Variants in PRRC2C observed in about 807,000 individuals in gnomAD.
The protein encoded by PRRC2C is proline rich coiled-coil 2C, also known as protein PRRC2C.
In PRRC2C, 72 loss-of-function variants were observed where a neutral mutation model predicts 317.2. The observed-to-expected ratio is 0.23, with a 90% CI of 0.19 to 0.28. The LOEUF (loss-of-function observed/expected upper bound fraction) is 0.28, where lower values mean the gene tolerates loss of function less well. PRRC2C is among the 10% of genes least tolerant of loss of function. PRRC2C has a pLI of 1.00. For missense variants in PRRC2C, 3,074 were observed against 3,459.7 expected (o/e 0.89, Z 2.80); for synonymous variants, 1,296 against 1,205.9 (o/e 1.07, Z -1.55).
chr1:171,540,868 CAAA>C lies in PRRC2C; in HGVS notation c.3403_3405del (p.Lys1135del). On this transcript the variant is annotated inframe_deletion, in exon 16 of 35. Coordinates refer to ENST00000647382, the MANE Select transcript of PRRC2C (RefSeq NM_001387844.1). ...AACAGACTATGGCAGCACCAGTAGT[CAAA>C]GAAGAAAAACAACCTGAGAAAGTCA... is the stretch of plus-strand genomic sequence containing the variant. 2 of 1,613,440 alleles carry C rather than the reference CAAA, an allele frequency of 1.2e-6. No homozygotes were observed. Among genetic ancestry groups the C allele is most frequent in the Non-Finnish European group, 1.7e-6 (2 of 1,179,708 alleles).
chr1:171,536,051 G>GGCA lies in PRRC2C; in HGVS notation c.2076_2078dup (p.Gln695dup), dbSNP rs1364672176. 79 of 1,551,916 alleles carry GGCA rather than the reference G, an allele frequency of 5.1e-5. No individual in the cohort carries two copies. Among genetic ancestry groups the GGCA allele is most frequent in the Non-Finnish European group, 6.5e-5 (75 of 1,147,140 alleles). ...CAGGAACAGATGAAACAGCAGCAGTGGCAGCAGCAGCAACAGCAAGGTGTA... is the reference window on the plus strand; with the variant it reads ...CAGGAACAGATGAAACAGCAGCAGTGGCAGCAGCAGCAGCAACAGCAAGGTGTA... On this transcript the variant is annotated inframe_insertion, in exon 14 of 35. Transcript: ENST00000647382.
Position 171,522,550 on chromosome 1 carries a change from G to A in PRRC2C, c.833+291G>A, listed in dbSNP as rs535292890. ...TTTGGAAGGCCGAGGTGGGCGATTCGCCTGAGGTCAGGAGTTCAAGGCCAG... is the reference window on the plus strand; with the variant it reads ...TTTGGAAGGCCGAGGTGGGCGATTCACCTGAGGTCAGGAGTTCAAGGCCAG... On this transcript the variant is annotated intron_variant, in intron 7 of 34. Transcript: ENST00000647382. 2.3e-3 allele frequency: 419 copies of A among 180,652 alleles called. 2 individuals carry two copies. The highest frequency in any genetic ancestry group is 9.1e-3 in the African/African-American group (389 of 42,544). 11.2% of individuals were successfully genotyped at this position (180,652 alleles called of 1,614,324 possible). A position where few individuals can be genotyped will look rare whatever the true frequency, so the allele number is the denominator to read the frequency against.
intron 1 of PRRC2C, among the ~76,000 whole-genome samples, chr1:171,499,336 A>G (rs1450970269): frequency 6.6e-6 from 1 of 152,196 alleles, no homozygotes; most frequent in Non-Finnish European, 1.5e-5. Flanking sequence ...TTTGAGTTTG[A>G]AGTTCCAACA....
intron 17 of PRRC2C, among the ~76,000 whole-genome samples, chr1:171,547,682 C>A: frequency 8.3e-6 from 1 of 120,844 alleles, no homozygotes; most frequent in Non-Finnish European, 1.6e-5. Flanking sequence ...CTTGCTCTGT[C>A]CCCCAGGCTG....
intron 17 of PRRC2C, 30 bp from the exon 18 acceptor site, chr1:171,550,056 A>G (rs770760549): frequency 1.7e-5 from 26 of 1,522,848 alleles, no homozygotes; most frequent in Non-Finnish European, 2.3e-5. Context: ...AAAAACAGAA[A>G]ATATCTTAAA....
At chr1:171,561,363 T>C (rs564942956) in intron 20 of PRRC2C, among the ~76,000 whole-genome samples, 1 of 152,256 alleles carries the variant, frequency 6.6e-6, no homozygotes, top group African/African-American at 2.4e-5. Context: ...GAGGTTGGAC[T>C]GTCACTTGAG....
intron 17 of PRRC2C, among the ~76,000 whole-genome samples, chr1:171,547,306 A>G (rs1456008516): frequency 6.6e-6 from 1 of 152,206 alleles, no homozygotes; most frequent in African/African-American, 2.4e-5. Context: ...ATTGGAAACT[A>G]AAAAGTAGTG....
At chr1:171,511,353 G>A (rs1194900787) in intron 1 of PRRC2C, 1 of 152,116 alleles carries the variant, frequency 6.6e-6, no homozygotes, top group Non-Finnish European at 1.5e-5. Context: ...CTCTAAAGAT[G>A]AGGATTCTCT....
At chr1:171,494,764 T>C (rs1202292196) in intron 1 of PRRC2C, among the ~76,000 whole-genome samples, 1 of 152,126 alleles carries the variant, frequency 6.6e-6, no homozygotes, top group African/African-American at 2.4e-5. Context: ...TCTTCACTGC[T>C]CTTCCCCACC....
At position 171,574,976 on chromosome 1, in the gene PRRC2C, A is replaced by G. The variant is rs148105554; in HGVS notation, c.6803A>G (p.Lys2268Arg). ...GAGAATTCTCCAAATGTAAGGGAAA[A>G]GGGGTCTCCAGTAACTTCCACAGCA... ...AWENSPNVREKGSPVTSTAPP... is the reference protein window; with the variant it reads ...AWENSPNVRERGSPVTSTAPP... The change falls in exon 25 of 35, where the codon AAG becomes AGG. Residue 2268 changes from lysine (K) to arginine (R), a missense_variant. By Grantham distance (26) the Lys-to-Arg change is conservative. Around this residue, in one of 11 missense-constraint regions of PRRC2C, gnomAD observed 490 missense variants for 663.1 expected, o/e 0.74. Coordinates refer to ENST00000647382, the MANE Select transcript of PRRC2C (RefSeq NM_001387844.1). 2.5e-6 allele frequency: 4 copies of G among 1,613,894 alleles called. No homozygotes were observed. The highest frequency in any genetic ancestry group is 1.3e-5 in the African/African-American group (1 of 75,032).
intron 12 of PRRC2C, among the ~76,000 whole-genome samples, chr1:171,534,797 C>T (rs958021): frequency 0.8 from 121,795 of 151,698 alleles, 49,004 homozygotes; most frequent in Middle Eastern, 0.9. Context: ...TTCTTAACAG[C>T]ATGCTTTTAC....
intron 19 of PRRC2C, 49 bp from the exon 20 acceptor site, chr1:171,560,969 T>G: frequency 7.0e-7 from 1 of 1,428,016 alleles, no homozygotes; most frequent in Admixed American, 1.7e-5. Flanking sequence ...GGTTAGAGAT[T>G]ATTAGACTCT....
intron 1 of PRRC2C, among the ~76,000 whole-genome samples, chr1:171,500,135 C>T (rs1220816796): frequency 6.6e-6 from 1 of 152,104 alleles, no homozygotes; most frequent in Non-Finnish European, 1.5e-5. Flanking sequence ...GTAAACAGAG[C>T]TTGGATATTT....
chr1:171,514,556 C>A lies in PRRC2C; in HGVS notation c.311C>A (p.Ala104Glu). ...EEEKTPEVPP[A>E]QPKPGVAAPP... ...TTAAGAACACCAGAAGTGCCACCAG[C>A]ACAGCCAAAACCTGGGGTTGCAGCT... The change falls in exon 4 of 35, where the codon GCA (alanine) becomes GAA (glutamate). Residue 104 changes from alanine (A) to glutamate (E), a missense_variant. Transcript: ENST00000647382. The A allele has an allele frequency of 6.4e-7, 1 of 1,557,614 alleles. No individual in the cohort carries two copies. Among genetic ancestry groups the A allele is most frequent in the Non-Finnish European group, 8.7e-7 (1 of 1,150,628 alleles).
At chr1:171,509,371 TC>T (rs1471062263) in intron 1 of PRRC2C, among the ~76,000 whole-genome samples, 8 of 152,060 alleles carry the variant, frequency 5.3e-5, no homozygotes, top group Admixed American at 5.2e-4. Context: ...CTGAAGGTAA[TC>T]AGTTAGTAGT....
At chr1:171,519,303 A>G (rs908191248) in intron 6 of PRRC2C, among the ~76,000 whole-genome samples, 11 of 152,240 alleles carry the variant, frequency 7.2e-5, no homozygotes, top group Non-Finnish European at 1.5e-4. Context: ...TATACATAAA[A>G]AGAAAACTAA....
intron 17 of PRRC2C, among the ~76,000 whole-genome samples, chr1:171,547,043 A>G (rs1557973374): frequency 6.6e-6 from 1 of 152,122 alleles, no homozygotes; most frequent in African/African-American, 2.4e-5. Flanking sequence ...CCTGACCAAC[A>G]TGGAGAAACC....
At chr1:171,527,582 C>A (rs759568293) in intron 10 of PRRC2C, among the ~76,000 whole-genome samples, 10 of 151,502 alleles carry the variant, frequency 6.6e-5, no homozygotes, top group African/African-American at 1.9e-4. Context: ...CATGGCAAAA[C>A]CCTGTCTCTA....
Position 171,591,703 on chromosome 1 carries a change from T to A in PRRC2C, c.8553T>A (p.Pro2851=). Residue 2851 remains proline (P), a synonymous_variant, in exon 35 of 35, where the codon CCT becomes CCA. Transcript: ENST00000647382. ...AAGTGGACAGTGATTCAAGTAAACC[T>A]CCTGAAACACTGACCGACCCTCCTG... ...AQKVDSDSSK[P]PETLTDPPGV... is the part of the protein sequence containing the mutation. 1 of 1,613,684 alleles carries A rather than the reference T, an allele frequency of 6.2e-7. No homozygotes were observed. Among genetic ancestry groups the A allele is most frequent in the Non-Finnish European group, 8.5e-7 (1 of 1,179,814 alleles).
Sources: gnomAD v4.1 joint callset for allele counts (sites outside exome capture counted in the v4.1 genomes callset) on GRCh38, gnomAD v4.1.1 for gene constraint, gnomAD v4.1.1 regional missense constraint, MANE v1.5 for transcripts, NCBI Gene and HGNC (gene_info 2026-07-23, HGNC 2026-07-21) for gene names.